SMAD5: variants seen among roughly 807,000 people sequenced by gnomAD.
SMAD5 encodes MAD, mothers against decapentaplegic homolog 5.
Under a neutral mutation model 43.1 loss-of-function variants are expected in SMAD5, and 9 were observed. The ratio of observed to expected loss-of-function variants is 0.21; its 90% confidence interval spans 0.13 to 0.36. The LOEUF is 0.36. SMAD5 is among the 10% of genes least tolerant of loss of function. SMAD5 has a pLI of 1.00. For missense variants in SMAD5, 348 were observed against 574.0 expected (o/e 0.61, Z 4.02); for synonymous variants, 190 against 192.4 (o/e 0.99, Z 0.10).
Position 136,177,547 on chromosome 5 carries a change from C to A in SMAD5, c.*67C>A. 2 of 1,214,898 alleles carry A rather than the reference C, an allele frequency of 1.6e-6. No individual in the cohort carries two copies. The highest frequency in any genetic ancestry group is 2.3e-5 in the Admixed American group (1 of 42,724). The allele number at this position is 1,214,898 out of a possible 1,614,324, so 75.3% of individuals were successfully genotyped here. On this transcript the variant is annotated 3_prime_UTR_variant, in exon 8 of 8. Coordinates refer to ENST00000545279, the MANE Select transcript of SMAD5 (RefSeq NM_005903.7). ...TTTAATTTTAGAGAAACTTTGAGTA[C>A]AGATACTGTGAGCTTACATTGAAAA...
At chr5:136,156,388 G>T (rs1753636618) in intron 3 of SMAD5, among the ~76,000 whole-genome samples, 1 of 152,154 alleles carries the variant, frequency 6.6e-6, no homozygotes, top group South Asian at 2.1e-4. Flanking sequence ...AATCACAGTG[G>T]TTACCTTAGA....
At chr5:136,164,372 G>C (rs1281236581) in intron 5 of SMAD5, among the ~76,000 whole-genome samples, 1 of 152,040 alleles carries the variant, frequency 6.6e-6, no homozygotes, top group Non-Finnish European at 1.5e-5. Context: ...AAAGTATGAG[G>C]GTTCTATTTT....
At chr5:136,141,823 CA>C (rs1753091175) in intron 1 of SMAD5, among the ~76,000 whole-genome samples, 1 of 152,102 alleles carries the variant, frequency 6.6e-6, no homozygotes, top group Non-Finnish European at 1.5e-5. Flanking sequence ...TTTCAACCTC[CA>C]AATTTGTATA....
chr5:136,155,944 C>T (rs1753621705), intron 3 of SMAD5, among the ~76,000 whole-genome samples: 1 of 152,146 alleles, frequency 6.6e-6, no homozygotes. Flanking sequence ...TCATCTATTG[C>T]TGCATGACAG....
rs1035759874 is a variant in SMAD5, at chr5:136,154,106, T to G, written c.346T>G (p.Ser116Ala). The G allele has an allele frequency of 1.9e-6, 3 of 1,590,664 alleles. No homozygotes were observed. The African/African-American group carries it at 4.0e-5, about 21-fold the overall frequency. Residue 116 changes from serine to alanine, a missense_variant, in exon 3 of 8, where the codon TCT becomes GCT. Transcript: ENST00000545279. ...GGATATTTGTGAATTTCCTTTTGGA[T>G]CTAAGCAAAAAGAAGTTTGTATCAA... ...PLDICEFPFGSKQKEVCINPY... is the reference protein window; with the variant it reads ...PLDICEFPFGAKQKEVCINPY...
At chr5:136,165,124 T>C (rs1753951987) in intron 5 of SMAD5, among the ~76,000 whole-genome samples, 1 of 152,064 alleles carries the variant, frequency 6.6e-6, no homozygotes, top group African/African-American at 2.4e-5. Flanking sequence ...TTTTTTGTTG[T>C]TTTGTTTTAT....
intron 2 of SMAD5, among the ~76,000 whole-genome samples, chr5:136,150,443 A>G (rs558373466): frequency 6.6e-6 from 1 of 151,948 alleles, no homozygotes. Context: ...GGCACATGCA[A>G]TGGTCCAGGT....
At chr5:136,170,653 A>G (rs1014688933) in intron 5 of SMAD5, among the ~76,000 whole-genome samples, 9 of 152,120 alleles carry the variant, frequency 5.9e-5, no homozygotes, top group African/African-American at 1.9e-4. Context: ...TTATTACTCT[A>G]TAGATTAAGC....
rs571646978 is a variant in SMAD5, at chr5:136,166,358, A to G, written c.775+2967A>G. On this transcript the variant is annotated intron_variant, in intron 5 of 7. Coordinates refer to ENST00000545279, the MANE Select transcript of SMAD5 (RefSeq NM_005903.7). ...GTTTTCTATGTTTGTGATAATACTG[A>G]ATGTGTGTTATATTGAGTGCTCTGT... Among the ~76,000 whole-genome samples, 42 of 152,242 alleles carry G rather than the reference A, an allele frequency of 2.8e-4. 1 individual carries two copies. Among genetic ancestry groups the G allele is most frequent in the Non-Finnish European group, 5.6e-4 (38 of 67,986 alleles).
chr5:136,143,299 T>C (rs1041259232), intron 1 of SMAD5, among the ~76,000 whole-genome samples: 2 of 151,660 alleles, frequency 1.3e-5, no homozygotes, highest in Admixed American at 1.3e-4. Flanking sequence ...ACGGTGTGTG[T>C]GTGTTCCTCT....
At chr5:136,176,912 T>G (rs1167908422) in intron 7 of SMAD5, among the ~76,000 whole-genome samples, 1 of 151,668 alleles carries the variant, frequency 6.6e-6, no homozygotes, top group African/African-American at 2.4e-5. Flanking sequence ...CCCACAATTT[T>G]TGCATTCTTC....
intron 1 of SMAD5, chr5:136,134,053 GTGTT>G (rs1561636030): frequency 6.2e-5 from 2 of 32,074 alleles, no homozygotes; most frequent in Admixed American, 4.7e-4. Context: ...GGGGGGGGGG[GTGTT>G]GCGGGGGGAG....
At chr5:136,155,495 A>AC (rs1753605463) in intron 3 of SMAD5, among the ~76,000 whole-genome samples, 3 of 152,202 alleles carry the variant, frequency 2.0e-5, no homozygotes, top group Admixed American at 2.0e-4. Flanking sequence ...TTTCCACACA[A>AC]CAGCCAGAAT....
chr5:136,155,590 C>T (rs748911647), intron 3 of SMAD5, among the ~76,000 whole-genome samples: 22 of 152,196 alleles, frequency 1.4e-4, no homozygotes, highest in Non-Finnish European at 2.1e-4. Flanking sequence ...TTCTGTAAGA[C>T]TCTGTATGAC....
chr5:136,157,827 G>A (rs1185107468), intron 3 of SMAD5, among the ~76,000 whole-genome samples: 1 of 152,120 alleles, frequency 6.6e-6, no homozygotes, highest in Non-Finnish European at 1.5e-5. Context: ...AACTGGGGGG[G>A]TTAGGGACCC....
intron 2 of SMAD5, among the ~76,000 whole-genome samples, chr5:136,151,820 G>C (rs6596291): frequency 0.36 from 54,228 of 151,814 alleles, 10,577 homozygotes; most frequent in African/African-American, 0.53. Context: ...TTGTTTGTGT[G>C]CCTTTGCCTT....
intron 1 of SMAD5, among the ~76,000 whole-genome samples, chr5:136,135,983 A>G (rs1168376204): frequency 6.6e-6 from 1 of 152,226 alleles, no homozygotes; most frequent in Non-Finnish European, 1.5e-5. Flanking sequence ...ATTGAGTAAG[A>G]TTCCCTTTTA....
chr5:136,181,784 T>C lies in SMAD5; in HGVS notation c.*4304T>C, dbSNP rs1754635850. The C allele has an allele frequency of 6.6e-6, 1 of 152,222 alleles. No individual in the cohort carries two copies. Among genetic ancestry groups the C allele is most frequent in the Non-Finnish European group, 1.5e-5 (1 of 68,024 alleles). The allele number at this position is 152,222 out of a possible 1,614,324, so 9.4% of individuals were successfully genotyped here. A position where few individuals can be genotyped will look rare whatever the true frequency, so the allele number is the denominator to read the frequency against. Reference sequence around the variant, plus strand: ...CTTTGTTATATTGGATTATCTTCTCTCTTAAAATACAACTGTATTATAATT... The same window carrying C: ...CTTTGTTATATTGGATTATCTTCTCCCTTAAAATACAACTGTATTATAATT... On this transcript the variant is annotated 3_prime_UTR_variant, in exon 8 of 8. Coordinates refer to ENST00000545279, the MANE Select transcript of SMAD5 (RefSeq NM_005903.7).
Position 136,182,672 on chromosome 5 carries a change from T to A in SMAD5, c.*5192T>A, listed in dbSNP as rs959794348. ...ATTGTGCTTTTGAAAGCCATAACTCTTAAGAACTTTGTTTTTGCATATTGT... is the reference window on the plus strand; with the variant it reads ...ATTGTGCTTTTGAAAGCCATAACTCATAAGAACTTTGTTTTTGCATATTGT... On this transcript the variant is annotated 3_prime_UTR_variant, in exon 8 of 8. Coordinates refer to ENST00000545279, the MANE Select transcript of SMAD5 (RefSeq NM_005903.7). 6.5e-6 allele frequency: 1 copy of A among 152,700 alleles called. No homozygotes were observed. The highest frequency in any genetic ancestry group is 2.4e-5 in the African/African-American group (1 of 41,478). 9.5% of individuals were successfully genotyped at this position (152,700 alleles called of 1,614,324 possible). A position where few individuals can be genotyped will look rare whatever the true frequency, so the allele number is the denominator to read the frequency against.
Sources: allele counts gnomAD v4.1 joint callset (sites outside exome capture counted in the v4.1 genomes callset), GRCh38; gene constraint gnomAD v4.1.1; transcripts MANE v1.5; gene names NCBI Gene and HGNC (gene_info 2026-07-23, HGNC 2026-07-21).